NKX3-2: variants seen among roughly 807,000 people sequenced by gnomAD.
NKX3-2 encodes NK3 homeobox 2.
In NKX3-2, 13 loss-of-function variants were observed where a neutral mutation model predicts 19.4. That is an observed-to-expected ratio of 0.67 (90% confidence interval 0.44 to 1.07). The LOEUF (loss-of-function observed/expected upper bound fraction) is 1.07. NKX3-2 is among the 50% of genes least tolerant of loss of function. The pLI is 0.00. For missense variants in NKX3-2, 562 were observed against 488.2 expected, an observed-to-expected ratio of 1.15 and a Z score of -1.42; for synonymous variants, 269 against 230.5, an observed-to-expected ratio of 1.17 and a Z score of -1.51.
In NKX3-2 at chr4:13,541,900, G is replaced by T; in HGVS notation, c.*93C>A. The T allele has an allele frequency of 6.6e-7, 1 of 1,512,962 alleles. No individual in the cohort carries two copies. The highest frequency in any genetic ancestry group is 8.9e-7 in the Non-Finnish European group (1 of 1,124,490). The allele number at this position is 1,512,962 out of a possible 1,614,324, so 93.7% of individuals were successfully genotyped here. A position where few individuals can be genotyped will look rare whatever the true frequency, so the allele number is the denominator to read the frequency against. On this transcript the variant is annotated 3_prime_UTR_variant, in exon 2 of 2. Transcript: ENST00000382438. ...GGTTTCACCTCCAGGTGCCTCCTTG[G>T]CGGGGCGCCCCGTGCAGGCTACAGC...
Position 13,542,875 on chromosome 4 carries a change from A to G in NKX3-2, c.467-347T>C, listed in dbSNP as rs1718025406. ...AAAGCCCTCCCGGCTCTCAGCGTTG[A>G]GCATTGGGATTCTAGACTGCATTTC... On this transcript the variant is annotated intron_variant, in intron 1 of 1. Transcript: ENST00000382438. This position sits in a 1 kb window ranked among gnomAD's most constrained non-coding sequence, Gnocchi z 6.4. Among the ~76,000 whole-genome samples, 1 of 151,756 alleles carries G rather than the reference A, an allele frequency of 6.6e-6. No individual in the cohort carries two copies. The highest frequency in any genetic ancestry group is 1.5e-5 in the Non-Finnish European group (1 of 67,954).
rs1039179044 is a variant in NKX3-2 at position 13,541,567 on chromosome 4, T to C, written c.*426A>G. The C allele has an allele frequency of 6.3e-5, 11 of 175,326 alleles. No individual in the cohort carries two copies. Among genetic ancestry groups the C allele is most frequent in the African/African-American group, 1.2e-4 (5 of 42,352 alleles). 10.9% of individuals were successfully genotyped at this position (175,326 alleles called of 1,614,324 possible). On this transcript the variant is annotated 3_prime_UTR_variant, in exon 2 of 2. Transcript: ENST00000382438. ...GATACACATAGATTGGTAGCATGGA[T>C]ACCATGAACTAGTGTGGCCTAGTGC... is the stretch of plus-strand genomic sequence containing the variant.
At position 13,542,855 on chromosome 4, in the gene NKX3-2, C is replaced by T. The variant is rs535762431; in HGVS notation, c.467-327G>A. 9.9e-5 allele frequency among the ~76,000 whole-genome samples: 15 copies of T among 152,152 alleles called. No individual in the cohort carries two copies. ...ACTCGACCCGAGCATCCGCGAAAGC[C>T]CTCCCGGCTCTCAGCGTTGAGCATT... On this transcript the variant is annotated intron_variant, in intron 1 of 1. Transcript: ENST00000382438. This position sits in a 1 kb window ranked among gnomAD's most constrained non-coding sequence, Gnocchi z 6.4.
In NKX3-2 at chr4:13,544,304, C is replaced by G. The variant is rs755593455; in HGVS notation, c.111G>C (p.Gly37=). 2.0e-6 allele frequency: 3 copies of G among 1,533,326 alleles called. No homozygotes were observed. The highest frequency in any genetic ancestry group is 5.0e-5 in the East Asian group (2 of 40,368). 95.0% of individuals were successfully genotyped at this position (1,533,326 alleles called of 1,614,324 possible). The change falls in exon 1 of 2, where the codon GGG becomes GGC. Residue 37 remains glycine (G), a synonymous_variant. Coordinates refer to ENST00000382438, the MANE Select transcript of NKX3-2 (RefSeq NM_001189.4). ...LAAPEGRPAP[G]GTAASVAAAP... ...CCGCGGCCACCGATGCCGCTGTGCC[C>G]CCGGGCGCCGGGCGCCCCTCTGGCG...
rs371570785 is a variant in NKX3-2, at chr4:13,542,338, G to C, written c.657C>G (p.Phe219Leu). The C allele has an allele frequency of 4.7e-5, 73 of 1,563,920 alleles. No homozygotes were observed. The African/African-American group carries it at 6.7e-4, about 14-fold the overall frequency. ...GGTGGTTAAAGCGGCGCTCCAGCTC[G>C]AAGACCTGCGCGTGGGAGAAAGCGG... The part of the protein sequence containing the change: ...SRAAFSHAQV[F>L]ELERRFNHQR... Residue 219 changes from phenylalanine (F) to leucine (L), a missense_variant, in exon 2 of 2, where the codon TTC becomes TTG. Physicochemically the swap from Phe to Leu is conservative, Grantham distance 22 (BLOSUM62 0). Coordinates refer to ENST00000382438, the MANE Select transcript of NKX3-2 (RefSeq NM_001189.4). The surrounding 1 kb of genome is among the most constrained non-coding windows in gnomAD (Gnocchi z 6.4).
upstream of NKX3-2, among the ~76,000 whole-genome samples, chr4:13,545,295 C>T (rs1186996560): frequency 6.6e-6 from 1 of 152,224 alleles, no homozygotes; most frequent in Non-Finnish European, 1.5e-5. Flanking sequence ...CGTTTCTTAC[C>T]TCTGCAGATG....
chr4:13,547,101 T>C (rs1265033940), upstream of NKX3-2: 4 of 456,322 alleles, frequency 8.8e-6, no homozygotes, highest in Admixed American at 7.0e-5. Flanking sequence ...GGTCTTGAGC[T>C]GCAACTAGAA....
upstream of NKX3-2, chr4:13,547,288 G>A (rs1457793726): frequency 4.4e-6 from 2 of 453,282 alleles, no homozygotes; most frequent in Non-Finnish European, 8.9e-6. Flanking sequence ...GCGACCGCGC[G>A]GGCGTGCCTG....
Position 13,543,718 on chromosome 4 carries a change from T to A in NKX3-2, c.466+231A>T, listed in dbSNP as rs1718044612. 6.6e-6 allele frequency among the ~76,000 whole-genome samples: 1 copy of A among 152,198 alleles called. No individual in the cohort carries two copies. ...CAGTCTAATGCACATTGGCCCAGGA[T>A]GTCTCAGGCCTCACCCCAGGACGTA... On this transcript the variant is annotated intron_variant, in intron 1 of 1. Transcript: ENST00000382438. This position sits in a 1 kb window ranked among gnomAD's most constrained non-coding sequence, Gnocchi z 7.1.
upstream of NKX3-2, chr4:13,544,654 A>C (rs1718083953): frequency 3.6e-6 from 1 of 276,918 alleles, no homozygotes. Context: ...ATCCAGAGCC[A>C]GACGCTCTCC....
At chr4:13,547,127 G>T (rs1412477042), upstream of NKX3-2, 2 of 456,368 alleles carry the variant, frequency 4.4e-6, no homozygotes, top group South Asian at 3.1e-5. Flanking sequence ...TCCTAGCAAG[G>T]GGTCGGGTGG....
chr4:13,546,589 G>C (rs1200924698), upstream of NKX3-2: 2 of 281,718 alleles, frequency 7.1e-6, no homozygotes, highest in African/African-American at 2.2e-5. Context: ...GGTAGGGGAC[G>C]GGCAGGTATG....
rs931686920 is a variant in NKX3-2, at chr4:13,540,971, C to G, written c.*1022G>C. ...GCGAAAAGCGGCGAGGTTGACAAGA[C>G]AGGTGGGATCACCTGTTTAAGGGTA... On this transcript the variant is annotated 3_prime_UTR_variant, in exon 2 of 2. Coordinates refer to ENST00000382438, the MANE Select transcript of NKX3-2 (RefSeq NM_001189.4). 2 of 152,278 alleles carry G rather than the reference C, an allele frequency of 1.3e-5. No homozygotes were observed. The highest frequency in any genetic ancestry group is 4.8e-5 in the African/African-American group (2 of 41,448). 9.4% of individuals were successfully genotyped at this position (152,278 alleles called of 1,614,324 possible). A position where few individuals can be genotyped will look rare whatever the true frequency, so the allele number is the denominator to read the frequency against.
upstream of NKX3-2, among the ~76,000 whole-genome samples, chr4:13,545,647 T>C (rs1404978498): frequency 6.6e-6 from 1 of 152,228 alleles, no homozygotes; most frequent in Non-Finnish European, 1.5e-5. Context: ...AAGGCATCTT[T>C]GGGAGAATTT....
In NKX3-2 at chr4:13,542,272, C is replaced by G. The variant is rs764611525; in HGVS notation, c.723G>C (p.Ala241=). The stretch of plus-strand genomic sequence containing the variant: ...CCTGCGTCTCGGTGAGCTTCAGCGA[C>G]GCGGCCAGGTCTGCGCGCTCGGGCC... ...LSGPERADLA[A]SLKLTETQVK... The change falls in exon 2 of 2, where the codon GCG becomes GCC. Residue 241 remains alanine (A), a synonymous_variant. Coordinates refer to ENST00000382438, the MANE Select transcript of NKX3-2 (RefSeq NM_001189.4). The surrounding 1 kb of genome is among the most constrained non-coding windows in gnomAD (Gnocchi z 6.4). The G allele has an allele frequency of 1.3e-5, 21 of 1,610,424 alleles. No homozygotes were observed. The East Asian group carries it at 4.7e-4, about 36-fold the overall frequency.
upstream of NKX3-2, chr4:13,547,509 C>A (rs993186720): frequency 4.8e-5 from 11 of 231,212 alleles, no homozygotes; most frequent in Non-Finnish European, 9.3e-5. Context: ...GCGCCCCCTC[C>A]GCGCCCACGG....
At position 13,544,130 on chromosome 4, in the gene NKX3-2, G is replaced by T. The variant is rs769742404; in HGVS notation, c.285C>A (p.Ser95=). The T allele has an allele frequency of 1.2e-6, 2 of 1,604,606 alleles. No homozygotes were observed. The highest frequency in any genetic ancestry group is 1.1e-5 in the South Asian group (1 of 89,998). ...AESPEGWDSD[S]ALSEENESRR... is the part of the protein sequence containing the mutation. The stretch of plus-strand genomic sequence containing the variant: ...TGCTCTCGTTCTCCTCGCTGAGCGC[G>T]GAGTCCGAGTCCCAGCCTTCCGGGC... The change falls in exon 1 of 2, where the codon TCC becomes TCA. Residue 95 remains serine (S), a synonymous_variant. Coordinates refer to ENST00000382438, the MANE Select transcript of NKX3-2 (RefSeq NM_001189.4).
Position 13,542,407 on chromosome 4 carries a change from C to A in NKX3-2, c.588G>T (p.Glu196Asp). 1 of 1,524,818 alleles carries A rather than the reference C, an allele frequency of 6.6e-7. No homozygotes were observed. Among genetic ancestry groups the A allele is most frequent in the Non-Finnish European group, 8.8e-7 (1 of 1,141,988 alleles). The allele number at this position is 1,524,818 out of a possible 1,614,324, so 94.5% of individuals were successfully genotyped here. The change falls in exon 2 of 2, where the codon GAG (glutamate) becomes GAT (aspartate). Residue 196 changes from glutamate (E) to aspartate (D), a missense_variant. Transcript: ENST00000382438. The surrounding 1 kb of genome is among the most constrained non-coding windows in gnomAD (Gnocchi z 6.4). ...GSGPAGVAEE[E>D]EEPAAPKPRK... ...GTGGCTTGGGCGCCGCCGGCTCCTC[C>A]TCCTCCTCCGCGACGCCTGCCGGCC...
upstream of NKX3-2, chr4:13,545,029 C>T (rs2109006407): frequency 6.6e-6 from 1 of 152,494 alleles, no homozygotes; most frequent in Non-Finnish European, 1.5e-5. Context: ...CCCTTGCGTT[C>T]CACTGTACCA....
Sources: gnomAD v4.1 joint callset for allele counts (sites outside exome capture counted in the v4.1 genomes callset) on GRCh38, gnomAD v4.1.1 for gene constraint, Gnocchi (gnomAD v3.1) non-coding constraint, MANE v1.5 for transcripts, NCBI Gene and HGNC (gene_info 2026-07-23, HGNC 2026-07-21) for gene names.